Variants in TBC1D19 observed in about 807,000 individuals in gnomAD.
TBC1D19 encodes the protein TBC1 domain family, member 19.
A neutral mutation model predicts 89.0 loss-of-function variants in TBC1D19; 60 were observed. The observed-to-expected ratio is 0.67, with a 90% confidence interval of 0.55 to 0.84. The LOEUF (loss-of-function observed/expected upper bound fraction) is 0.84, where lower values mean the gene tolerates loss of function less well. TBC1D19 is among the 40% of genes least tolerant of loss of function. TBC1D19 has a pLI of 0.00. For synonymous variants in TBC1D19, 189 were observed against 199.7 expected, an observed-to-expected ratio of 0.95 and a Z score of 0.45; for missense variants, 500 against 610.8, an observed-to-expected ratio of 0.82 and a Z score of 1.91.
intron 1 of TBC1D19, among the ~76,000 whole-genome samples, chr4:26,604,397 C>T (rs1054874802): frequency 6.6e-6 from 1 of 150,978 alleles, no homozygotes; most frequent in Non-Finnish European, 1.5e-5. Context: ...TGTGATCCGC[C>T]CGCCTCGGCC....
At chr4:26,786,977 C>T in the TBC1D19 span, among the ~76,000 whole-genome samples, 2 of 152,178 alleles carry the variant, frequency 1.3e-5, no homozygotes, top group Non-Finnish European at 2.9e-5. Context: ...CCCTTTCAAA[C>T]ACAATCGCCT....
At chr4:26,770,583 A>G in the TBC1D19 span, among the ~76,000 whole-genome samples, 1,296 of 152,200 alleles carry the variant, frequency 8.5e-3, 13 homozygotes, top group Non-Finnish European at 0.015. Flanking sequence ...CTAATTTTAG[A>G]TAACAGAAGA....
At chr4:26,611,039 G>A (rs371102867) in intron 1 of TBC1D19, among the ~76,000 whole-genome samples, 200 of 152,184 alleles carry the variant, frequency 1.3e-3, no homozygotes, top group African/African-American at 4.6e-3. Context: ...TTTCCCCAAT[G>A]GCTGAACTAA....
intron 1 of TBC1D19, among the ~76,000 whole-genome samples, chr4:26,590,805 T>TTTTTTG: frequency 8.5e-6 from 1 of 118,166 alleles, no homozygotes; most frequent in Non-Finnish European, 1.8e-5. Flanking sequence ...TGTTTTTTTT[T>TTTTTTG]TTTTTTTTTT....
intron 1 of TBC1D19, among the ~76,000 whole-genome samples, chr4:26,608,321 G>A (rs531141950): frequency 1.3e-4 from 20 of 152,196 alleles, no homozygotes; most frequent in Admixed American, 7.8e-4. Flanking sequence ...TCAGAATAAA[G>A]CTGTACCTTT....
chr4:26,663,274 T>C (rs1745323494), intron 8 of TBC1D19, among the ~76,000 whole-genome samples: 1 of 152,190 alleles, frequency 6.6e-6, no homozygotes, highest in Non-Finnish European at 1.5e-5. Context: ...ACCACATGCC[T>C]CACCAGTGAA....
At chr4:26,674,156 A>T (rs1712584915) in intron 11 of TBC1D19, among the ~76,000 whole-genome samples, 1 of 152,138 alleles carries the variant, frequency 6.6e-6, no homozygotes. Context: ...AAATTTTGAG[A>T]AGTGGAGACT....
chr4:26,584,422 C>CAA (rs750797259), intron 1 of TBC1D19, 130 bp downstream of exon 1: 1 of 809,434 alleles, frequency 1.2e-6, no homozygotes, highest in South Asian at 1.8e-5. Context: ...AAAAAACAAA[C>CAA]AGACAAAAAC....
At chr4:26,686,130 A>T (rs948961982) in intron 12 of TBC1D19, among the ~76,000 whole-genome samples, 65 of 144,642 alleles carry the variant, frequency 4.5e-4, no homozygotes, top group African/African-American at 1.2e-3. Flanking sequence ...TGATCATTTA[A>T]AAAAAAAAAT....
chr4:26,673,659 A>G (rs1287524450), intron 10 of TBC1D19, 117 bp from the exon 11 acceptor site: 14 of 723,192 alleles, frequency 1.9e-5, no homozygotes, highest in African/African-American at 5.4e-5. Context: ...GATACGGTGT[A>G]ATTATGTTAG....
At chr4:26,754,516 A>C (rs1719156634) in intron 20 of TBC1D19, among the ~76,000 whole-genome samples, 1 of 152,220 alleles carries the variant, frequency 6.6e-6, no homozygotes, top group South Asian at 2.1e-4. Context: ...CCATCTCAAA[A>C]TGATTTCCTG....
intron 5 of TBC1D19, 103 bp from the exon 6 acceptor site, chr4:26,638,668 G>T (rs1743291399): frequency 6.0e-6 from 5 of 832,848 alleles, no homozygotes; most frequent in Non-Finnish European, 9.6e-6. Context: ...TACTGTTATG[G>T]TCATTTATTT....
chr4:26,579,557 T>C (rs1178337432), upstream of TBC1D19, among the ~76,000 whole-genome samples: 1 of 151,918 alleles, frequency 6.6e-6, no homozygotes, highest in Non-Finnish European at 1.5e-5. Flanking sequence ...GTTTGTTGCA[T>C]AGGTATACAT....
intron 19 of TBC1D19, among the ~76,000 whole-genome samples, chr4:26,753,171 A>T (rs1196916181): frequency 6.6e-6 from 1 of 152,248 alleles, no homozygotes; most frequent in Non-Finnish European, 1.5e-5. Context: ...AAAATTATAA[A>T]AATATTTTTT....
chr4:26,585,697 C>T (rs1178731941), intron 1 of TBC1D19, among the ~76,000 whole-genome samples: 1 of 152,026 alleles, frequency 6.6e-6, no homozygotes, highest in Non-Finnish European at 1.5e-5. Flanking sequence ...GATCCTCCCG[C>T]CTTCGCCTCC....
chr4:26,672,282 C>A lies in TBC1D19; in HGVS notation c.703+95C>A, dbSNP rs1712383973. 4 of 1,051,248 alleles carry A rather than the reference C, an allele frequency of 3.8e-6. No individual in the cohort carries two copies. In the South Asian group the frequency reaches 6.1e-5, roughly 16 times the overall value. 65.1% of individuals were successfully genotyped at this position (1,051,248 alleles called of 1,614,324 possible). A position where few individuals can be genotyped will look rare whatever the true frequency, so the allele number is the denominator to read the frequency against. On this transcript the variant is annotated intron_variant, in intron 10 of 20. Transcript: ENST00000264866. ...ATAACCTCCAGGTGAAATTTAATCT[C>A]TGAAAAGTGAAAAACCTAAAGAGGG...
chr4:26,825,284 A>C, the TBC1D19 span, among the ~76,000 whole-genome samples: 1 of 152,012 alleles, frequency 6.6e-6, no homozygotes, highest in Admixed American at 6.6e-5. Flanking sequence ...TCTTTAGTAG[A>C]GATGGGGTTT....
chr4:26,704,314 G>C (rs773670543), intron 13 of TBC1D19, among the ~76,000 whole-genome samples: 5 of 152,062 alleles, frequency 3.3e-5, no homozygotes, highest in Non-Finnish European at 1.5e-5. Context: ...CACAAACTAC[G>C]TAAGTTAACA....
At chr4:26,630,145 A>C (rs1742719541) in intron 4 of TBC1D19, among the ~76,000 whole-genome samples, 1 of 151,912 alleles carries the variant, frequency 6.6e-6, no homozygotes, top group African/African-American at 2.4e-5. Flanking sequence ...CTAATTTAAA[A>C]AAATTAGTAT....
Sources: gnomAD v4.1 joint callset for allele counts (sites outside exome capture counted in the v4.1 genomes callset) on GRCh38, gnomAD v4.1.1 for gene constraint, MANE v1.5 for transcripts, NCBI Gene and HGNC (gene_info 2026-07-23, HGNC 2026-07-21) for gene names.